Variants in RIMS2 observed in about 807,000 individuals in gnomAD.
RIMS2 encodes regulating synaptic membrane exocytosis protein 2.
RIMS2 carries 59 observed loss-of-function variants against 174.4 expected under a neutral mutation model. The observed-to-expected ratio is 0.34, with a 90% CI of 0.27 to 0.42. The LOEUF (loss-of-function observed/expected upper bound fraction) is 0.42. RIMS2 is among the 10% of genes least tolerant of loss of function. The pLI is 1.00. For missense variants in RIMS2, 1,620 were observed against 1,666.3 expected (o/e 0.97, Z 0.48); for synonymous variants, 606 against 572.5 (o/e 1.06, Z -0.84).
At chr8:103,604,132 G>A (rs1273215798) in intron 1 of RIMS2, among the ~76,000 whole-genome samples, 5 of 149,240 alleles carry the variant, frequency 3.4e-5, no homozygotes, top group Non-Finnish European at 7.4e-5. Context: ...CTGGTTTTAG[G>A]TCTAACGTTT....
intron 3 of RIMS2, among the ~76,000 whole-genome samples, chr8:103,884,800 G>C (rs1176465337): frequency 6.6e-6 from 1 of 151,854 alleles, no homozygotes; most frequent in African/African-American, 2.4e-5. Context: ...TCTAGAAGAT[G>C]ATGAATGAAA....
chr8:104,025,917 G>A (rs2154555630), intron 19 of RIMS2, among the ~76,000 whole-genome samples: 1 of 152,236 alleles, frequency 6.6e-6, no homozygotes, highest in South Asian at 2.1e-4. Context: ...GTACAGGTTT[G>A]TAGTCTAGGA....
chr8:103,694,846 G>A (rs1351386627), intron 1 of RIMS2, among the ~76,000 whole-genome samples: 1 of 152,180 alleles, frequency 6.6e-6, no homozygotes, highest in Non-Finnish European at 1.5e-5. Flanking sequence ...GTAGAAGTCT[G>A]GAGTCATCCT....
chr8:104,027,549 G>C (rs1020821703), intron 19 of RIMS2, among the ~76,000 whole-genome samples: 7 of 152,126 alleles, frequency 4.6e-5, no homozygotes, highest in African/African-American at 1.7e-4. Context: ...GTTGTTGAAA[G>C]TAACTTAATC....
At chr8:103,647,505 C>A (rs1012786134) in intron 1 of RIMS2, among the ~76,000 whole-genome samples, 5 of 152,060 alleles carry the variant, frequency 3.3e-5, no homozygotes. Context: ...ATGGTACCAG[C>A]TTTTATTTGT....
At chr8:103,766,810 A>C (rs2098177259) in intron 3 of RIMS2, among the ~76,000 whole-genome samples, 1 of 152,244 alleles carries the variant, frequency 6.6e-6, no homozygotes, top group East Asian at 1.9e-4. Flanking sequence ...TTTTTGTCAA[A>C]GGAAAGACAG....
At chr8:103,877,565 T>A (rs901903500) in intron 3 of RIMS2, among the ~76,000 whole-genome samples, 5 of 151,898 alleles carry the variant, frequency 3.3e-5, no homozygotes, top group Non-Finnish European at 7.4e-5. Flanking sequence ...ATTTCTAGGT[T>A]ATCTATTCTG....
intron 19 of RIMS2, among the ~76,000 whole-genome samples, chr8:104,215,144 T>C (rs116619903): frequency 6.6e-6 from 1 of 152,208 alleles, no homozygotes; most frequent in Admixed American, 6.5e-5. Context: ...AAAAAATCTA[T>C]GAAAAATGCC....
intron 20 of RIMS2, among the ~76,000 whole-genome samples, chr8:104,247,773 C>A (rs1263029809): frequency 2.6e-5 from 4 of 152,062 alleles, no homozygotes; most frequent in Non-Finnish European, 5.9e-5. Context: ...CATATCCAAG[C>A]AGATATGTAG....
intron 19 of RIMS2, among the ~76,000 whole-genome samples, chr8:104,108,915 C>T (rs1483714903): frequency 1.3e-5 from 2 of 152,136 alleles, no homozygotes; most frequent in Admixed American, 6.5e-5. Context: ...GAGGATTAGA[C>T]TGGCTTGCTT....
chr8:103,886,794 A>C (rs1342271847), intron 4 of RIMS2, among the ~76,000 whole-genome samples: 1 of 151,710 alleles, frequency 6.6e-6, no homozygotes, highest in Non-Finnish European at 1.5e-5. Flanking sequence ...ATTTTTTTCA[A>C]GCCATTAGAT....
chr8:103,516,452 C>A (rs565963172), intron 1 of RIMS2, among the ~76,000 whole-genome samples: 44 of 151,834 alleles, frequency 2.9e-4, no homozygotes, highest in African/African-American at 1.1e-3. Context: ...TTTTTTATTT[C>A]TAAAATTAAA....
At chr8:103,753,051 G>A (rs1375122429) in intron 2 of RIMS2, among the ~76,000 whole-genome samples, 7 of 151,984 alleles carry the variant, frequency 4.6e-5, no homozygotes, top group Non-Finnish European at 7.4e-5. Flanking sequence ...TGCCCATTCA[G>A]TATGATATTG....
intron 1 of RIMS2, among the ~76,000 whole-genome samples, chr8:103,621,962 C>T (rs2095645586): frequency 1.3e-5 from 2 of 151,890 alleles, no homozygotes; most frequent in South Asian, 4.2e-4. Flanking sequence ...ATAATTGGTT[C>T]CAAAATGATA....
At chr8:103,647,518 C>T (rs1219508814) in intron 1 of RIMS2, among the ~76,000 whole-genome samples, 2 of 152,004 alleles carry the variant, frequency 1.3e-5, no homozygotes, top group African/African-American at 4.8e-5. Context: ...TTATTTGTAC[C>T]TCTGGTAGAA....
chr8:103,917,612 T>C (rs2076854380), intron 8 of RIMS2, among the ~76,000 whole-genome samples: 1 of 152,204 alleles, frequency 6.6e-6, no homozygotes, highest in South Asian at 2.1e-4. Context: ...TTACCCCTTG[T>C]GTCAAATCTC....
intron 19 of RIMS2, among the ~76,000 whole-genome samples, chr8:104,161,829 G>A (rs1025407065): frequency 6.6e-6 from 1 of 152,218 alleles, no homozygotes; most frequent in Non-Finnish European, 1.5e-5. Context: ...TCAGTTGTTG[G>A]CGGAGCTCAG....
chr8:104,093,163 C>T (rs1287965530), intron 19 of RIMS2, among the ~76,000 whole-genome samples: 1 of 151,904 alleles, frequency 6.6e-6, no homozygotes, highest in Non-Finnish European at 1.5e-5. Flanking sequence ...CATATTAAGC[C>T]AAATGTTTAT....
chr8:103,514,020 A>G (rs756129367), intron 1 of RIMS2, among the ~76,000 whole-genome samples: 2 of 112,344 alleles, frequency 1.8e-5, no homozygotes, highest in Non-Finnish European at 3.6e-5. Context: ...ATTGCCAGCT[A>G]CATGCAGCCT....
Sources: allele counts gnomAD v4.1 joint callset (sites outside exome capture counted in the v4.1 genomes callset), GRCh38; gene constraint gnomAD v4.1.1; transcripts MANE v1.5; gene names NCBI Gene and HGNC (gene_info 2026-07-23, HGNC 2026-07-21).